Variants in SDC2 observed in about 807,000 individuals in gnomAD.
SDC2 encodes syndecan-2.
A neutral mutation model predicts 22.2 loss-of-function variants in SDC2; 13 were observed. That is an observed-to-expected ratio of 0.59 (90% CI 0.38 to 0.93). The LOEUF is 0.93. Among genes scored for constraint, SDC2 ranks in the 40% least tolerant of loss-of-function variants. The pLI is 0.00. For synonymous variants in SDC2, 94 were observed against 92.8 expected (o/e 1.01, Z -0.07); for missense variants, 235 against 246.8 (o/e 0.95, Z 0.32).
intron 1 of SDC2, among the ~76,000 whole-genome samples, chr8:96,573,510 C>T (rs1176470453): frequency 6.6e-6 from 1 of 152,010 alleles, no homozygotes; most frequent in Non-Finnish European, 1.5e-5. Flanking sequence ...GTGATAACAG[C>T]ACCTGACACA....
intron 3 of SDC2, among the ~76,000 whole-genome samples, chr8:96,607,050 G>A (rs1380530862): frequency 6.6e-6 from 1 of 152,162 alleles, no homozygotes; most frequent in Non-Finnish European, 1.5e-5. Flanking sequence ...GAGCGCAAAC[G>A]CGATTGTGAA....
chr8:96,505,711 T>C (rs188624996), intron 1 of SDC2, among the ~76,000 whole-genome samples: 51 of 152,354 alleles, frequency 3.3e-4, no homozygotes, highest in Non-Finnish European at 5.9e-4. Context: ...GTGTTTTGAT[T>C]TGATTATTAG....
chr8:96,545,547 T>C (rs1432692768), intron 1 of SDC2, among the ~76,000 whole-genome samples: 1 of 152,074 alleles, frequency 6.6e-6, no homozygotes, highest in Non-Finnish European at 1.5e-5. Flanking sequence ...TGGAGCAAAG[T>C]CTAAGGTGAG....
rs1032729039 is a variant in SDC2, at chr8:96,533,201, G to A, written c.60+38870G>A. 5.9e-5 allele frequency among the ~76,000 whole-genome samples: 9 copies of A among 152,186 alleles called. No homozygotes were observed. The East Asian group carries it at 1.7e-3, about 29-fold the overall frequency. ...GCAGTAGCAAGATTTACTGCAAAGA[G>A]CAAAAGAACAAAGCTTCCACAGTGT... On this transcript the variant is annotated intron_variant, in intron 1 of 4. Coordinates refer to ENST00000302190, the MANE Select transcript of SDC2 (RefSeq NM_002998.4).
intron 1 of SDC2, among the ~76,000 whole-genome samples, chr8:96,524,475 C>T (rs147998180): frequency 9.2e-5 from 14 of 152,234 alleles, no homozygotes; most frequent in Non-Finnish European, 1.6e-4. Flanking sequence ...TAATTAAGAC[C>T]GGTCAGAACT....
rs984402737 is a variant in SDC2 at position 96,602,454 on chromosome 8, C to G, written c.232C>G (p.Leu78Val). ...AACATCTCGACCACTTCCAAAGATA[C>G]TGTTGACTAGTGCTGCTCCAAAAGT... ...LTTSRPLPKI[L>V]LTSAAPKVET... The change falls in exon 3 of 5, where the codon CTG (leucine) becomes GTG (valine). Residue 78 changes from leucine to valine, a missense_variant. Leu to Val is a conservative substitution (Grantham distance 32). Transcript: ENST00000302190. 6.2e-7 allele frequency: 1 copy of G among 1,614,058 alleles called. No homozygotes were observed. The highest frequency in any genetic ancestry group is 1.3e-5 in the African/African-American group (1 of 75,036).
chr8:96,552,076 C>T (rs1011436463), intron 1 of SDC2, among the ~76,000 whole-genome samples: 68 of 152,334 alleles, frequency 4.5e-4, no homozygotes, highest in African/African-American at 1.3e-3. Context: ...GAACCAGCCA[C>T]ACATTGGTGT....
Position 96,602,889 on chromosome 8 carries a change from T to C in SDC2, c.306+361T>C, listed in dbSNP as rs140068095. ...GCCCTGTTTCTTTGGTTTCCTGGTT[T>C]GTAGGTTACGTAATTAGAAGACTCC... is the stretch of plus-strand genomic sequence containing the variant. On this transcript the variant is annotated intron_variant, in intron 3 of 4. Coordinates refer to ENST00000302190, the MANE Select transcript of SDC2 (RefSeq NM_002998.4). Among the ~76,000 whole-genome samples, 386 of 152,322 alleles carry C rather than the reference T, an allele frequency of 2.5e-3. 2 individuals are homozygous for C. Among genetic ancestry groups the C allele is most frequent in the African/African-American group, 8.7e-3 (360 of 41,580 alleles).
chr8:96,576,382 T>TTTTTTTTTTTTTTTTTTTTTTTC (rs764100444), intron 1 of SDC2, among the ~76,000 whole-genome samples: 1 of 93,182 alleles, frequency 1.1e-5, no homozygotes, highest in Non-Finnish European at 2.3e-5. Flanking sequence ...TTGTTTTGTT[T>TTTTTTTTTTTTTTTTTTTTTTTC]TGTTTTTTTT....
chr8:96,523,612 G>A (rs1813531210), intron 1 of SDC2, among the ~76,000 whole-genome samples: 1 of 152,172 alleles, frequency 6.6e-6, no homozygotes, highest in Admixed American at 6.5e-5. Flanking sequence ...CTGTGGGACT[G>A]CTATTATAGC....
chr8:96,591,479 T>C (rs1159375352), intron 1 of SDC2, among the ~76,000 whole-genome samples: 1 of 152,162 alleles, frequency 6.6e-6, no homozygotes, highest in Non-Finnish European at 1.5e-5. Context: ...ATTTATTTTG[T>C]GGCCATGCAT....
chr8:96,585,383 A>G (rs915096996), intron 1 of SDC2, among the ~76,000 whole-genome samples: 7 of 152,216 alleles, frequency 4.6e-5, no homozygotes, highest in African/African-American at 1.7e-4. Context: ...TCATGAGATG[A>G]TGGCTTGGAA....
chr8:96,580,341 C>T (rs1814569791), intron 1 of SDC2: 1 of 977,200 alleles, frequency 1.0e-6, no homozygotes, highest in African/African-American at 1.8e-5. Context: ...AAGGGAGAGT[C>T]AGAGGATGTC....
intron 1 of SDC2, among the ~76,000 whole-genome samples, chr8:96,536,853 C>T (rs952505505): frequency 6.6e-5 from 10 of 152,184 alleles, no homozygotes; most frequent in Non-Finnish European, 1.5e-4. Flanking sequence ...CAATTGGAGA[C>T]TCAGTCTGCT....
chr8:96,571,618 G>T (rs1316495248), intron 1 of SDC2, among the ~76,000 whole-genome samples: 3 of 152,174 alleles, frequency 2.0e-5, no homozygotes, highest in Non-Finnish European at 2.9e-5. Flanking sequence ...GCACTGCCTT[G>T]CTTTCTAATT....
chr8:96,539,267 G>C (rs556419526), intron 1 of SDC2, among the ~76,000 whole-genome samples: 38 of 152,230 alleles, frequency 2.5e-4, no homozygotes, highest in African/African-American at 9.1e-4. Flanking sequence ...TATCTCCCAT[G>C]TTTTCAAAGA....
rs1815039872 is a variant in SDC2, at chr8:96,604,182, T to TCTATC, written c.306+1658_306+1662dup. On this transcript the variant is annotated intron_variant, in intron 3 of 4. Coordinates refer to ENST00000302190, the MANE Select transcript of SDC2 (RefSeq NM_002998.4). ...GTTTTGGCTTGTAGTGATAGAGAGT[T>TCTATC]CTATCCTAAGCAAGACTTAATTTGA... 2.0e-5 allele frequency among the ~76,000 whole-genome samples: 3 copies of TCTATC among 152,200 alleles called. No homozygotes were observed. The South Asian group carries it at 6.2e-4, about 32-fold the overall frequency.
chr8:96,543,667 C>G (rs1025429846), intron 1 of SDC2, among the ~76,000 whole-genome samples: 7 of 152,126 alleles, frequency 4.6e-5, no homozygotes, highest in African/African-American at 1.7e-4. Flanking sequence ...CAGTCTTAGC[C>G]GCATCCTGTG....
chr8:96,609,465 G>T lies in SDC2; in HGVS notation c.523G>T (p.Asp175Tyr). ...LLLVYRMRKK[D>Y]EGSYDLGERK... is the part of the protein sequence containing the mutation. ...GTTGGTGTATCGCATGAGAAAGAAG[G>T]ATGAAGGAAGCTATGACCTTGGAGA... Residue 175 changes from aspartate (D) to tyrosine (Y), a missense_variant, in exon 5 of 5, where the codon GAT (aspartate) becomes TAT (tyrosine). Physicochemically the swap from Asp to Tyr is radical, Grantham distance 160. Transcript: ENST00000302190. 1 of 1,613,702 alleles carries T rather than the reference G, an allele frequency of 6.2e-7. No individual in the cohort carries two copies. Among genetic ancestry groups the T allele is most frequent in the Non-Finnish European group, 8.5e-7 (1 of 1,179,826 alleles).
Sources: allele counts gnomAD v4.1 joint callset (sites outside exome capture counted in the v4.1 genomes callset), GRCh38; gene constraint gnomAD v4.1.1; transcripts MANE v1.5; gene names NCBI Gene and HGNC (gene_info 2026-07-23, HGNC 2026-07-21).